ERO1B: variants seen among roughly 807,000 people sequenced by gnomAD.
The protein encoded by ERO1B is ERO1-like protein beta.
A neutral mutation model predicts 75.3 loss-of-function variants in ERO1B; 49 were observed. The observed-to-expected ratio is 0.65, with a 90% confidence interval of 0.52 to 0.83. The LOEUF (loss-of-function observed/expected upper bound fraction) is 0.83, where lower values mean the gene tolerates loss of function less well. ERO1B is among the 40% of genes least tolerant of loss of function. ERO1B has a pLI of 0.00. For synonymous variants in ERO1B, 191 were observed against 192.9 expected (o/e 0.99, Z 0.08); for missense variants, 512 against 560.1 (o/e 0.91, Z 0.87).
chr1:236,230,335 G>T, intron 9 of ERO1B, 85 bp from the exon 10 acceptor site: 1 of 1,205,602 alleles, frequency 8.3e-7, no homozygotes. Context: ...CTTTCTGCAG[G>T]GCATGGTGGC....
At chr1:236,225,008 C>G (rs763975722) in intron 13 of ERO1B, 62 bp downstream of exon 13, 42 of 1,427,362 alleles carry the variant, frequency 2.9e-5, no homozygotes, top group Non-Finnish European at 3.6e-5. Flanking sequence ...TTTGGATGCA[C>G]AGCATTAAAG....
At chr1:236,236,861 T>C (rs1446079599) in intron 6 of ERO1B, among the ~76,000 whole-genome samples, 2 of 152,200 alleles carry the variant, frequency 1.3e-5, no homozygotes, top group Non-Finnish European at 2.9e-5. Flanking sequence ...ACTCTCTGCT[T>C]GGACTCATGA....
chr1:236,236,390 A>T lies in ERO1B; in HGVS notation c.514T>A (p.Ser172Thr). The T allele has an allele frequency of 6.2e-7, 1 of 1,613,498 alleles. No homozygotes were observed. The highest frequency in any genetic ancestry group is 2.2e-5 in the East Asian group (1 of 44,860). The change falls in exon 7 of 16, where the codon TCT becomes ACT. Residue 172 changes from serine (S) to threonine (T), a missense_variant. By Grantham distance (58) the Ser-to-Thr change is moderately conservative. Transcript: ENST00000354619. ...AGGTCTACATACTGAGCAGCTGGAG[A>T]TCTCTCATCTGAACAAGAAAAAATT... ...DHFCELDDER[S>T]PAAQYVDLLL...
In ERO1B at chr1:236,268,697, T is replaced by C. The variant is rs145432262; in HGVS notation, c.222+1178A>G. 9.5e-3 allele frequency among the ~76,000 whole-genome samples: 1,432 copies of C among 150,490 alleles called. 19 individuals carry two copies. The highest frequency in any genetic ancestry group is 0.023 in the African/African-American group (953 of 40,980). ...GTCAGGAGATCAAGACCATCCTGGCTAACATGGTGAAACCCCGTCTCTACT... is the reference window on the plus strand; with the variant it reads ...GTCAGGAGATCAAGACCATCCTGGCCAACATGGTGAAACCCCGTCTCTACT... On this transcript the variant is annotated intron_variant, in intron 2 of 15. Coordinates refer to ENST00000354619, the MANE Select transcript of ERO1B (RefSeq NM_019891.4).
chr1:236,277,406 GAAA>G (rs1385146361), intron 1 of ERO1B, among the ~76,000 whole-genome samples: 4 of 116,890 alleles, frequency 3.4e-5, no homozygotes, highest in Admixed American at 8.8e-5. Context: ...TCTACTCCAG[GAAA>G]AAAAAAAAAA....
chr1:236,255,822 A>C (rs1299193156), intron 2 of ERO1B, among the ~76,000 whole-genome samples: 2 of 152,146 alleles, frequency 1.3e-5, no homozygotes, highest in African/African-American at 4.8e-5. Context: ...TTCCTGGATT[A>C]TCTCTTCCTG....
chr1:236,262,435 C>T (rs1749584), intron 2 of ERO1B, among the ~76,000 whole-genome samples: 37,902 of 152,094 alleles, frequency 0.25, 4,903 homozygotes, highest in East Asian at 0.38. Context: ...CAGGGTCTCA[C>T]TCTGTCGCCC....
In ERO1B at chr1:236,249,837, T is replaced by C. The variant is rs754814703; in HGVS notation, c.431+48A>G. The C allele has an allele frequency of 6.0e-6, 8 of 1,325,268 alleles. No homozygotes were observed. The African/African-American group carries it at 1.2e-4, about 20-fold the overall frequency. 82.1% of individuals were successfully genotyped at this position (1,325,268 alleles called of 1,614,324 possible). On this transcript the variant is annotated intron_variant, in intron 5 of 15. Coordinates refer to ENST00000354619, the MANE Select transcript of ERO1B (RefSeq NM_019891.4). ...TACCAAAATCATAAAAAATTGATTC[T>C]TGATATCAATGAGAATATTTTCTTA...
intron 5 of ERO1B, among the ~76,000 whole-genome samples, chr1:236,248,226 T>C (rs1177077794): frequency 2.0e-5 from 3 of 152,102 alleles, no homozygotes; most frequent in African/African-American, 7.2e-5. Context: ...TCAAATCCAC[T>C]AGTAATTACG....
At chr1:236,223,527 C>A (rs1411992438) in intron 13 of ERO1B, among the ~76,000 whole-genome samples, 2 of 152,158 alleles carry the variant, frequency 1.3e-5, no homozygotes, top group Non-Finnish European at 2.9e-5. Context: ...AACACAAAAA[C>A]TCCTGTGCTG....
chr1:236,246,071 A>G (rs541962422), intron 5 of ERO1B, among the ~76,000 whole-genome samples: 6 of 152,332 alleles, frequency 3.9e-5, no homozygotes, highest in South Asian at 4.1e-4. Context: ...TAGTAGCAAT[A>G]TAATTTGGTA....
chr1:236,237,176 G>C (rs1664566754), intron 6 of ERO1B, among the ~76,000 whole-genome samples: 1 of 136,230 alleles, frequency 7.3e-6, no homozygotes, highest in African/African-American at 2.7e-5. Flanking sequence ...CTGGAGTGCA[G>C]TGGCGCAATC....
chr1:236,230,199 A>C (rs1664370139), intron 10 of ERO1B, 25 bp downstream of exon 10: 1 of 1,559,544 alleles, frequency 6.4e-7, no homozygotes, highest in Non-Finnish European at 8.8e-7. Context: ...CAAAAAATCC[A>C]ATAAATTTAG....
chr1:236,264,652 T>C (rs1454832935), intron 2 of ERO1B, among the ~76,000 whole-genome samples: 1 of 152,074 alleles, frequency 6.6e-6, no homozygotes, highest in Non-Finnish European at 1.5e-5. Flanking sequence ...AAGACCAACC[T>C]GGCCAACATG....
chr1:236,243,854 C>T lies in ERO1B; in HGVS notation c.432-359G>A, dbSNP rs148238902. ...ATTATAACGTTAAACGTATTTTTTC[C>T]GAAGTAATTAAATTTATTTTCAGAA... On this transcript the variant is annotated intron_variant, in intron 5 of 15. Transcript: ENST00000354619. Among the ~76,000 whole-genome samples the T allele has an allele frequency of 4.6e-3, 699 of 151,930 alleles. 6 individuals carry two copies. The highest frequency in any genetic ancestry group is 0.016 in the African/African-American group (645 of 41,480).
At chr1:236,239,851 G>GTATATATATGTGTATATATATGTGTA (rs1192575122) in intron 6 of ERO1B, among the ~76,000 whole-genome samples, 1 of 61,044 alleles carries the variant, frequency 1.6e-5, no homozygotes, top group Non-Finnish European at 2.7e-5. Flanking sequence ...ATATATATGT[G>GTATATATATGTGTATATATATGTGTA]TATATATGTA....
intron 2 of ERO1B, among the ~76,000 whole-genome samples, chr1:236,264,777 G>A (rs1453743425): frequency 3.3e-5 from 5 of 152,016 alleles, no homozygotes; most frequent in African/African-American, 1.2e-4. Context: ...CCCAGGAGGT[G>A]GAGATTGCAG....
intron 15 of ERO1B, among the ~76,000 whole-genome samples, chr1:236,219,704 C>G (rs1664087723): frequency 1.3e-5 from 2 of 152,026 alleles, no homozygotes; most frequent in Admixed American, 6.6e-5. Flanking sequence ...TACAGGGAAG[C>G]AACAGCTGAA....
In ERO1B at chr1:236,226,127, CTGT is replaced by C. The variant is rs1285393612; in HGVS notation, c.1052+139_1052+141del. 10 of 789,112 alleles carry C rather than the reference CTGT, an allele frequency of 1.3e-5. No individual in the cohort carries two copies. In the Admixed American group the frequency reaches 2.4e-4, roughly 19 times the overall value. The allele number at this position is 789,112 out of a possible 1,614,324, so 48.9% of individuals were successfully genotyped here. A position where few individuals can be genotyped will look rare whatever the true frequency, so the allele number is the denominator to read the frequency against. ...ACATTTTCAGAAATATTTTTAAATT[CTGT>C]TGTTCTATTGATCACTTTCCTTTTC... On this transcript the variant is annotated intron_variant, in intron 12 of 15. Coordinates refer to ENST00000354619, the MANE Select transcript of ERO1B (RefSeq NM_019891.4).
Sources: allele counts gnomAD v4.1 joint callset (sites outside exome capture counted in the v4.1 genomes callset), GRCh38; gene constraint gnomAD v4.1.1; transcripts MANE v1.5; gene names NCBI Gene and HGNC (gene_info 2026-07-23, HGNC 2026-07-21).